Variants in ATXN1 observed in about 807,000 individuals in gnomAD.
ATXN1 encodes ataxin 1.
In ATXN1, 8 loss-of-function variants were observed where a neutral mutation model predicts 56.4. The ratio of observed to expected loss-of-function variants is 0.14; its 90% confidence interval spans 0.08 to 0.26. The LOEUF is 0.26. Ranked by LOEUF, ATXN1 falls within the 10% of genes least tolerant of loss-of-function variation. The pLI is 1.00. For missense variants in ATXN1, 987 were observed against 1,106.5 expected (o/e 0.89, Z 1.53); for synonymous variants, 514 against 494.6 (o/e 1.04, Z -0.52).
chr6:16,485,000 C>T (rs1760515979), intron 6 of ATXN1: 1 of 139,186 alleles, frequency 7.2e-6, no homozygotes. Context: ...TGTACACGCA[C>T]ACACATACAT....
At chr6:16,429,200 C>A (rs1446349300) in intron 6 of ATXN1, among the ~76,000 whole-genome samples, 1 of 151,706 alleles carries the variant, frequency 6.6e-6, no homozygotes, top group African/African-American at 2.4e-5. Context: ...TCCTAAGAAC[C>A]CTAAATTTAA....
chr6:16,477,916 G>C (rs1205336904), intron 6 of ATXN1, among the ~76,000 whole-genome samples: 3 of 152,154 alleles, frequency 2.0e-5, no homozygotes, highest in Non-Finnish European at 4.4e-5. Flanking sequence ...CTGCCCAGAT[G>C]AGGGAAATGG....
intron 6 of ATXN1, among the ~76,000 whole-genome samples, chr6:16,400,764 A>T (rs1477118221): frequency 6.6e-6 from 1 of 152,124 alleles, no homozygotes; most frequent in Non-Finnish European, 1.5e-5. Context: ...GGAGGGAGGG[A>T]GAAGTATTTT....
chr6:16,397,698 T>C (rs1758484343), intron 6 of ATXN1, among the ~76,000 whole-genome samples: 1 of 152,220 alleles, frequency 6.6e-6, no homozygotes, highest in Admixed American at 6.5e-5. Flanking sequence ...CACCAAATCA[T>C]TGCTGTCCAG....
intron 2 of ATXN1, among the ~76,000 whole-genome samples, chr6:16,692,501 A>G (rs1300420907): frequency 1.3e-5 from 2 of 152,236 alleles, no homozygotes; most frequent in Non-Finnish European, 2.9e-5. Flanking sequence ...AGATTTGTCT[A>G]TTTTAAAGAC....
At chr6:16,671,471 T>C (rs1007933172) in intron 2 of ATXN1, among the ~76,000 whole-genome samples, 2 of 152,210 alleles carry the variant, frequency 1.3e-5, no homozygotes, top group Admixed American at 6.5e-5. Flanking sequence ...GAACTCTAAG[T>C]GTCTATTTCT....
At chr6:16,590,744 A>G (rs1316217778) in intron 3 of ATXN1, among the ~76,000 whole-genome samples, 1 of 151,464 alleles carries the variant, frequency 6.6e-6, no homozygotes, top group Non-Finnish European at 1.5e-5. Flanking sequence ...ATGACAGCTC[A>G]CTTCAGCCTC....
intron 6 of ATXN1, among the ~76,000 whole-genome samples, chr6:16,446,087 A>T (rs1434269904): frequency 6.6e-6 from 1 of 151,594 alleles, no homozygotes; most frequent in African/African-American, 2.4e-5. Flanking sequence ...TAGATCCCTG[A>T]GGAATCGCCA....
At chr6:16,390,056 G>A (rs1330214642) in intron 6 of ATXN1, among the ~76,000 whole-genome samples, 1 of 152,202 alleles carries the variant, frequency 6.6e-6, no homozygotes, top group Non-Finnish European at 1.5e-5. Context: ...TAAGGATAGT[G>A]AAGCTTGTTC....
At chr6:16,462,418 T>C (rs114339891) in intron 6 of ATXN1, among the ~76,000 whole-genome samples, 2,415 of 152,258 alleles carry the variant, frequency 0.016, 74 homozygotes, top group African/African-American at 0.055. Flanking sequence ...CTATAGCTGA[T>C]CCTAAGGAAA....
intron 3 of ATXN1, among the ~76,000 whole-genome samples, chr6:16,636,041 C>T (rs1465055397): frequency 6.6e-6 from 1 of 152,200 alleles, no homozygotes; most frequent in Non-Finnish European, 1.5e-5. Context: ...TCACCGAACA[C>T]CTGAATTGAC....
intron 3 of ATXN1, among the ~76,000 whole-genome samples, chr6:16,608,408 A>C (rs982062823): frequency 6.6e-6 from 1 of 152,192 alleles, no homozygotes; most frequent in African/African-American, 2.4e-5. Context: ...CTATCTTCTT[A>C]ATTTTGACTA....
At chr6:16,418,719 C>T (rs1758968602) in intron 6 of ATXN1, among the ~76,000 whole-genome samples, 1 of 113,818 alleles carries the variant, frequency 8.8e-6, no homozygotes, top group South Asian at 3.9e-4. Flanking sequence ...TCCCCCCTCC[C>T]CCCACCCCAC....
rs146853248 is a variant in ATXN1, at chr6:16,328,044, C to G, written c.267G>C (p.Pro89=). The G allele has an allele frequency of 2.5e-6, 4 of 1,613,646 alleles. No homozygotes were observed. The highest frequency in any genetic ancestry group is 1.7e-5 in the Admixed American group (1 of 59,990). Residue 89 remains proline, a synonymous_variant, in exon 7 of 8, where the codon CCG becomes CCC. Transcript: ENST00000436367. The surrounding 1 kb of genome is among the most constrained non-coding windows in gnomAD (Gnocchi z 6.2). ...CGGGGACAGACCTGGGAGCGCTGGGCGGGGAGTAGTCCAGCCCTGTGGACA... is the reference window on the plus strand; with the variant it reads ...CGGGGACAGACCTGGGAGCGCTGGGGGGGGAGTAGTCCAGCCCTGTGGACA... The part of the protein sequence containing the change: ...KALSTGLDYS[P]PSAPRSVPVA...
At chr6:16,448,374 T>TCGC (rs1197156483) in intron 6 of ATXN1, among the ~76,000 whole-genome samples, 21 of 152,190 alleles carry the variant, frequency 1.4e-4, no homozygotes. Context: ...TTCTCTTCAT[T>TCGC]CATCACAGCT....
intron 6 of ATXN1, among the ~76,000 whole-genome samples, chr6:16,473,699 A>G (rs150568195): frequency 2.9e-3 from 440 of 152,282 alleles, no homozygotes; most frequent in African/African-American, 9.9e-3. Context: ...GGTGAGGAAC[A>G]CTGGTGGAGT....
Position 16,300,173 on chromosome 6 carries a change from G to A in ATXN1, c.*6156C>T, listed in dbSNP as rs1205633009. On this transcript the variant is annotated 3_prime_UTR_variant, in exon 8 of 8. Coordinates refer to ENST00000436367, the MANE Select transcript of ATXN1 (RefSeq NM_001128164.2). ...CAAACAAACTAAAGGGAAAGAAAAC[G>A]TGGGTGAAGCCTCCAATGTATCTGC... 2.0e-5 allele frequency: 3 copies of A among 152,586 alleles called. No individual in the cohort carries two copies. The highest frequency in any genetic ancestry group is 6.5e-5 in the Admixed American group (1 of 15,276). 9.5% of individuals were successfully genotyped at this position (152,586 alleles called of 1,614,324 possible). A position where few individuals can be genotyped will look rare whatever the true frequency, so the allele number is the denominator to read the frequency against.
intron 6 of ATXN1, among the ~76,000 whole-genome samples, chr6:16,336,639 C>T (rs1455613767): frequency 6.6e-6 from 1 of 152,198 alleles, no homozygotes; most frequent in African/African-American, 2.4e-5. Context: ...CTCTCTCCCT[C>T]TAGTGTCACA....
At chr6:16,605,660 C>G (rs1762991728) in intron 3 of ATXN1, among the ~76,000 whole-genome samples, 1 of 152,148 alleles carries the variant, frequency 6.6e-6, no homozygotes, top group Non-Finnish European at 1.5e-5. Flanking sequence ...CTTAGAAGAA[C>G]TACCATCTCT....
Sources: allele counts gnomAD v4.1 joint callset (sites outside exome capture counted in the v4.1 genomes callset), GRCh38; gene constraint gnomAD v4.1.1; non-coding constraint Gnocchi (gnomAD v3.1); transcripts MANE v1.5; gene names NCBI Gene and HGNC (gene_info 2026-07-23, HGNC 2026-07-21).